CSMD1: variants seen among roughly 807,000 people sequenced by gnomAD.
The protein encoded by CSMD1 is CUB and Sushi multiple domains 1.
In CSMD1, 213 loss-of-function variants were observed where a neutral mutation model predicts 417.5. That is an observed-to-expected ratio of 0.51 (90% CI 0.46 to 0.57). CSMD1 has a LOEUF of 0.57. Ranked by LOEUF, CSMD1 falls within the 20% of genes least tolerant of loss-of-function variation. The pLI, the probability that CSMD1 is intolerant of heterozygous loss-of-function variation, is 0.00. For synonymous variants in CSMD1, 2,862 were observed against 1,736.8 expected (o/e 1.65, Z -16.11); for missense variants, 6,923 against 4,529.7 (o/e 1.53, Z -15.17).
chr8:3,869,151 C>G, intron 5 of CSMD1, among the ~76,000 whole-genome samples: 1 of 152,248 alleles, frequency 6.6e-6, no homozygotes, highest in South Asian at 2.1e-4. Flanking sequence ...GTCTCCACAC[C>G]GTGCCCTGAA....
chr8:4,467,140 AG>A (rs374259625), intron 2 of CSMD1, among the ~76,000 whole-genome samples: 30 of 149,048 alleles, frequency 2.0e-4, no homozygotes, highest in African/African-American at 4.0e-4. Context: ...AAAAAAAAAA[AG>A]AAAAAAAAAG....
chr8:4,354,161 T>G (rs76427863), intron 3 of CSMD1, among the ~76,000 whole-genome samples: 1,903 of 152,294 alleles, frequency 0.012, 40 homozygotes, highest in African/African-American at 0.043. Context: ...GTAAAAATTA[T>G]AGCATATTCC....
intron 7 of CSMD1, among the ~76,000 whole-genome samples, chr8:3,618,035 T>G (rs1444905523): frequency 6.6e-6 from 1 of 152,170 alleles, no homozygotes; most frequent in Non-Finnish European, 1.5e-5. Flanking sequence ...AGGATCTCAC[T>G]CTGTTGCCCA....
At chr8:3,969,105 G>C (rs1240132785) in intron 5 of CSMD1, among the ~76,000 whole-genome samples, 1 of 152,068 alleles carries the variant, frequency 6.6e-6, no homozygotes, top group Non-Finnish European at 1.5e-5. Context: ...ACAAAAATTA[G>C]CCAGGCTTGG....
intron 54 of CSMD1, among the ~76,000 whole-genome samples, chr8:2,988,706 A>AT (rs1399802355): frequency 1.3e-5 from 2 of 152,170 alleles, no homozygotes; most frequent in African/African-American, 4.8e-5. Context: ...TCTTTTATTT[A>AT]TTTTTTAATC....
rs994222559 is a variant in CSMD1 at position 4,166,711 on chromosome 8, T to C, written c.416-134612A>G. Among the ~76,000 whole-genome samples, 5 of 152,122 alleles carry C rather than the reference T, an allele frequency of 3.3e-5. No homozygotes were observed. In the East Asian group the frequency reaches 7.7e-4, roughly 24 times the overall value. ...TCAAGAAAATCAGCTCTAAAGAACA[T>C]ATCTATGTAACCCAAAACCACCTAT... On this transcript the variant is annotated intron_variant, in intron 3 of 69. Transcript: ENST00000635120.
chr8:4,177,688 C>CT (rs1422406431), intron 3 of CSMD1, among the ~76,000 whole-genome samples: 2 of 140,670 alleles, frequency 1.4e-5, no homozygotes, highest in Non-Finnish European at 3.1e-5. Flanking sequence ...GCTAGCAAGA[C>CT]TAACAAAGAA....
chr8:4,160,776 G>A (rs1266158797), intron 3 of CSMD1, among the ~76,000 whole-genome samples: 7 of 152,200 alleles, frequency 4.6e-5, no homozygotes, highest in African/African-American at 1.7e-4. Context: ...TTGGATGAAA[G>A]CATCATTTTA....
intron 1 of CSMD1, among the ~76,000 whole-genome samples, chr8:4,958,126 C>A (rs985030162): frequency 6.6e-6 from 1 of 151,516 alleles, no homozygotes; most frequent in Non-Finnish European, 1.5e-5. Flanking sequence ...GAGGTCTTTC[C>A]TGTCCTTAGA....
At chr8:3,325,679 C>A (rs1202246768) in intron 23 of CSMD1, among the ~76,000 whole-genome samples, 2 of 152,120 alleles carry the variant, frequency 1.3e-5, no homozygotes, top group East Asian at 1.9e-4. Flanking sequence ...CAGAAGTTAG[C>A]TGGGCATGGT....
At position 3,970,455 on chromosome 8, in the gene CSMD1, T is replaced by G. The variant is rs972876339; in HGVS notation, c.818+27448A>C. Among the ~76,000 whole-genome samples the G allele has an allele frequency of 7.9e-5, 12 of 152,160 alleles. 1 individual carries two copies. The highest frequency in any genetic ancestry group is 2.9e-4 in the African/African-American group (12 of 41,442). On this transcript the variant is annotated intron_variant, in intron 5 of 69. Coordinates refer to ENST00000635120, the MANE Select transcript of CSMD1 (RefSeq NM_033225.6). ...CCCAGGACATGGCCATGAGAAACTC[T>G]TGTCTCTTCTGTAAACCAGAAGAAA...
At chr8:3,056,902 T>C (rs933845871) in intron 49 of CSMD1, among the ~76,000 whole-genome samples, 3 of 152,112 alleles carry the variant, frequency 2.0e-5, no homozygotes, top group Non-Finnish European at 4.4e-5. Context: ...AATATAAGAA[T>C]ATTCTAGATT....
chr8:4,530,351 A>ATTTTTTTTTTTTTTTTT (rs1796745432), intron 2 of CSMD1, among the ~76,000 whole-genome samples: 1 of 55,974 alleles, frequency 1.8e-5, no homozygotes, highest in Non-Finnish European at 3.7e-5. Context: ...TTTTACTTTC[A>ATTTTTTTTTTTTTTTTT]GTGCTGGGAT....
intron 2 of CSMD1, among the ~76,000 whole-genome samples, chr8:4,605,501 C>T (rs937425458): frequency 6.6e-5 from 10 of 152,232 alleles, no homozygotes; most frequent in Admixed American, 2.0e-4. Context: ...GCCAATTTAC[C>T]TAATTGACCA....
intron 10 of CSMD1, among the ~76,000 whole-genome samples, chr8:3,565,658 C>A (rs776262325): frequency 9.2e-5 from 14 of 152,166 alleles, no homozygotes; most frequent in Admixed American, 4.6e-4. Context: ...AGCTCCTTCC[C>A]TAAAACAGAT....
At chr8:3,720,550 C>G (rs184629046) in intron 6 of CSMD1, among the ~76,000 whole-genome samples, 1 of 151,424 alleles carries the variant, frequency 6.6e-6, no homozygotes, top group African/African-American at 2.4e-5. Flanking sequence ...GGGGGCTAAC[C>G]TTCTTAAACA....
chr8:3,056,316 T>A lies in CSMD1; in HGVS notation c.7475-3669A>T, dbSNP rs539369500. 1.1e-3 allele frequency among the ~76,000 whole-genome samples: 168 copies of A among 152,300 alleles called. 1 individual carries two copies. The highest frequency in any genetic ancestry group is 3.8e-3 in the African/African-American group (157 of 41,564). ...GGATTTCTTCTTTGGATATCTAAGA[T>A]CCTTCAAATAGTGGTTAACTTTGTT... On this transcript the variant is annotated intron_variant, in intron 49 of 69. Transcript: ENST00000635120.
intron 3 of CSMD1, among the ~76,000 whole-genome samples, chr8:4,139,225 G>C (rs74579188): frequency 6.9e-6 from 1 of 144,538 alleles, no homozygotes; most frequent in Non-Finnish European, 1.6e-5. Flanking sequence ...TGTCCTAGTG[G>C]TGCTTTAAAG....
At chr8:3,675,025 G>A (rs756563644) in intron 7 of CSMD1, among the ~76,000 whole-genome samples, 1 of 152,148 alleles carries the variant, frequency 6.6e-6, no homozygotes, top group African/African-American at 2.4e-5. Flanking sequence ...AGTGATGCAG[G>A]GATTTAGGTG....
Sources: gnomAD v4.1 joint callset for allele counts (sites outside exome capture counted in the v4.1 genomes callset) on GRCh38, gnomAD v4.1.1 for gene constraint, MANE v1.5 for transcripts, NCBI Gene and HGNC (gene_info 2026-07-23, HGNC 2026-07-21) for gene names.